IPO5: variants seen among roughly 807,000 people sequenced by gnomAD.
IPO5 encodes the protein importin-5.
Under a neutral mutation model 143.3 loss-of-function variants are expected in IPO5, and 18 were observed. The ratio of observed to expected loss-of-function variants is 0.13; its 90% CI spans 0.09 to 0.19. IPO5 has a LOEUF of 0.19. Among genes scored for constraint, IPO5 ranks in the 10% least tolerant of loss-of-function variants. The pLI is 1.00. For missense variants in IPO5, 1,013 were observed against 1,336.9 expected (o/e 0.76, Z 3.78); for synonymous variants, 477 against 465.7 (o/e 1.02, Z -0.31).
intron 3 of IPO5, 103 bp downstream of exon 3, chr13:97,969,933 A>C (rs57918250): frequency 0.41 from 337,915 of 817,148 alleles, 75,824 homozygotes; most frequent in Non-Finnish European, 0.48. Flanking sequence ...TCCTGGTCTC[A>C]GGCAATCCTC....
chr13:97,962,436 A>G (rs1447198588), intron 2 of IPO5, among the ~76,000 whole-genome samples: 2 of 152,192 alleles, frequency 1.3e-5, no homozygotes, highest in Non-Finnish European at 2.9e-5. Context: ...ACGCATGTGG[A>G]TATCAAGTTG....
rs756027991 is a variant in IPO5 at position 98,006,101 on chromosome 13, T to G, written c.1498-29T>G. 27 of 1,446,014 alleles carry G rather than the reference T, an allele frequency of 1.9e-5. 1 individual carries two copies. In the South Asian group the frequency reaches 3.0e-4, roughly 16 times the overall value. The allele number at this position is 1,446,014 out of a possible 1,614,324, so 89.6% of individuals were successfully genotyped here. A position where few individuals can be genotyped will look rare whatever the true frequency, so the allele number is the denominator to read the frequency against. On this transcript the variant is annotated intron_variant, in intron 16 of 28. Coordinates refer to ENST00000651721, the MANE Select transcript of IPO5 (RefSeq NM_002271.6). ...TTAAATACTTCTTCCAGTTTTCCTTTGAGGTAATAATTTGTGTCTTCCTTC... is the reference window on the plus strand; with the variant it reads ...TTAAATACTTCTTCCAGTTTTCCTTGGAGGTAATAATTTGTGTCTTCCTTC...
At chr13:97,969,175 ATTTTTTTTTTT>A (rs60300496) in intron 2 of IPO5, among the ~76,000 whole-genome samples, 10 of 43,896 alleles carry the variant, frequency 2.3e-4, no homozygotes, top group African/African-American at 1.1e-3. Context: ...ATATATATAT[ATTTTTTTTTTT>A]TTTTTTTTTT....
intron 9 of IPO5, among the ~76,000 whole-genome samples, chr13:97,991,443 T>G (rs1887796713): frequency 1.3e-5 from 2 of 152,318 alleles, no homozygotes; most frequent in South Asian, 2.1e-4. Flanking sequence ...GTGATAAGAT[T>G]TCCTAAAATA....
intron 18 of IPO5, among the ~76,000 whole-genome samples, 170 bp downstream of exon 18, chr13:98,008,312 A>G (rs1014854099): frequency 6.6e-6 from 1 of 152,092 alleles, no homozygotes; most frequent in African/African-American, 2.4e-5. Context: ...ACTTTTTCTC[A>G]GTCTGTTGTA....
chr13:98,003,098 G>A, intron 16 of IPO5, 61 bp downstream of exon 16: 3 of 1,261,072 alleles, frequency 2.4e-6, no homozygotes, highest in South Asian at 1.4e-5. Context: ...TGATTTGATG[G>A]GTAAGAACTG....
At chr13:97,959,735 A>G (rs1227443546) in intron 2 of IPO5, among the ~76,000 whole-genome samples, 1 of 152,174 alleles carries the variant, frequency 6.6e-6, no homozygotes, top group Non-Finnish European at 1.5e-5. Flanking sequence ...CTCTGTCTCA[A>G]AGAAAAGAAA....
At chr13:98,005,547 G>A (rs796121655) in intron 16 of IPO5, among the ~76,000 whole-genome samples, 1 of 151,996 alleles carries the variant, frequency 6.6e-6, no homozygotes, top group Non-Finnish European at 1.5e-5. Context: ...GACGGGCCCA[G>A]CAGCAAATAG....
intron 2 of IPO5, among the ~76,000 whole-genome samples, chr13:97,969,175 A>ATATATATATATATAT (rs1234384302): frequency 6.8e-5 from 3 of 43,908 alleles, no homozygotes; most frequent in Non-Finnish European, 8.0e-5. Context: ...ATATATATAT[A>ATATATATATATATAT]TTTTTTTTTT....
intron 2 of IPO5, among the ~76,000 whole-genome samples, chr13:97,966,438 T>C (rs1885344495): frequency 6.6e-6 from 1 of 152,224 alleles, no homozygotes; most frequent in Non-Finnish European, 1.5e-5. Context: ...TTGATTTTCA[T>C]ATGTTATGCC....
In IPO5 at chr13:97,984,945, G is replaced by A. The variant is rs115787195; in HGVS notation, c.172-476G>A. On this transcript the variant is annotated intron_variant, in intron 5 of 28. Coordinates refer to ENST00000651721, the MANE Select transcript of IPO5 (RefSeq NM_002271.6). ...AGCACTTTTTAGGTATCGGGAACTC[G>A]TAATGTTTGTTTGCATGAAAGAAGC... Among the ~76,000 whole-genome samples, 399 of 151,116 alleles carry A rather than the reference G, an allele frequency of 2.6e-3. 1 individual carries two copies. Among genetic ancestry groups the A allele is most frequent in the African/African-American group, 8.6e-3 (348 of 40,450 alleles).
chr13:98,012,302 C>G lies in IPO5; in HGVS notation c.2112C>G (p.Val704=). 2 of 1,612,224 alleles carry G rather than the reference C, an allele frequency of 1.2e-6. No homozygotes were observed. Among genetic ancestry groups the G allele is most frequent in the Non-Finnish European group, 1.7e-6 (2 of 1,178,270 alleles). ...TTGTGGAGTACACCGAACAGGTTGT[C>G]AAACTGATGGTCCCTTTACTGAAAT... ...EGFVEYTEQV[V]KLMVPLLKFY... The change falls in exon 21 of 29, where the codon GTC becomes GTG. Residue 704 remains valine, a synonymous_variant. Transcript: ENST00000651721.
At chr13:98,011,273 T>G (rs112389332) in intron 20 of IPO5, among the ~76,000 whole-genome samples, 4,423 of 149,920 alleles carry the variant, frequency 0.03, 114 homozygotes, top group African/African-American at 0.072. Flanking sequence ...GTTTTTGGGG[T>G]TTTTTTTGTT....
chr13:97,985,311 A>G (rs1887236704), intron 5 of IPO5, 110 bp from the exon 6 acceptor site: 1 of 790,084 alleles, frequency 1.3e-6, no homozygotes, highest in Non-Finnish European at 2.0e-6. Flanking sequence ...AGAAAGAGTT[A>G]TATATTTACT....
chr13:98,015,794 C>T lies in IPO5; in HGVS notation c.2493+13C>T, dbSNP rs1890084748. The T allele has an allele frequency of 6.4e-7, 1 of 1,571,258 alleles. No homozygotes were observed. ...ACTACAAGATGAGGTAAGTTATTCC[C>T]TTTGGAACTTACTTACGTGACCACT... On this transcript the variant is annotated intron_variant, in intron 24 of 28. Coordinates refer to ENST00000651721, the MANE Select transcript of IPO5 (RefSeq NM_002271.6).
chr13:97,976,722 A>G lies in IPO5; in HGVS notation c.26A>G (p.Gln9Arg), dbSNP rs2039038709. 3 of 1,401,716 alleles carry G rather than the reference A, an allele frequency of 2.1e-6. No homozygotes were observed. Among genetic ancestry groups the G allele is most frequent in the Non-Finnish European group, 2.8e-6 (3 of 1,052,964 alleles). 86.8% of individuals were successfully genotyped at this position (1,401,716 alleles called of 1,614,324 possible). The stretch of plus-strand genomic sequence containing the variant: ...ATGGCGGCGGCCGCGGCGGAGCAGC[A>G]ACAGTTCTACCTGCTCCTGGGAAAC... MAAAAAEQ[Q>R]QFYLLLGNLL... The change falls in exon 4 of 29, where the codon CAA (glutamine) becomes CGA (arginine). Residue 9 changes from glutamine (Q) to arginine (R), a missense_variant. This residue lies in a region of IPO5 where 328 missense variants were observed against 342.0 expected (regional missense o/e 0.96). Transcript: ENST00000651721.
At chr13:98,009,480 A>G (rs563889853) in intron 18 of IPO5, among the ~76,000 whole-genome samples, 2 of 152,332 alleles carry the variant, frequency 1.3e-5, no homozygotes, top group South Asian at 4.1e-4. Flanking sequence ...GGCAGGCAAT[A>G]GGGATACAGA....
At chr13:97,993,280 A>T in intron 11 of IPO5, 55 bp downstream of exon 11, 1 of 1,481,784 alleles carries the variant, frequency 6.7e-7, no homozygotes, top group Non-Finnish European at 9.3e-7. Context: ...TTTTTGGATA[A>T]ATTTGCTGAG....
At position 97,976,716 on chromosome 13, in the gene IPO5, A is replaced by G. The variant is rs2139600704; in HGVS notation, c.20A>G (p.Glu7Gly). ...AGCGCAATGGCGGCGGCCGCGGCGG[A>G]GCAGCAACAGTTCTACCTGCTCCTG... MAAAAA[E>G]QQQFYLLLGN... Residue 7 changes from glutamate to glycine, a missense_variant, in exon 4 of 29, where the codon GAG becomes GGG. Physicochemically the swap from Glu to Gly is moderately conservative, Grantham distance 98. Coordinates refer to ENST00000651721, the MANE Select transcript of IPO5 (RefSeq NM_002271.6). The G allele has an allele frequency of 2.9e-6, 4 of 1,379,462 alleles. No homozygotes were observed. The highest frequency in any genetic ancestry group is 3.8e-6 in the Non-Finnish European group (4 of 1,040,908). 85.5% of individuals were successfully genotyped at this position (1,379,462 alleles called of 1,614,324 possible).
Sources: gnomAD v4.1 joint callset for allele counts (sites outside exome capture counted in the v4.1 genomes callset) on GRCh38, gnomAD v4.1.1 for gene constraint, gnomAD v4.1.1 regional missense constraint, MANE v1.5 for transcripts, NCBI Gene and HGNC (gene_info 2026-07-23, HGNC 2026-07-21) for gene names.